The following GPM6A variants were observed in gnomAD, a reference collection of about 807,000 sequenced individuals.
GPM6A encodes the protein neuronal membrane glycoprotein M6-a.
In GPM6A, 7 loss-of-function variants were observed where a neutral mutation model predicts 32.1. The ratio of observed to expected loss-of-function variants is 0.22; its 90% CI spans 0.12 to 0.41. The LOEUF (loss-of-function observed/expected upper bound fraction) is 0.41, where lower values mean the gene tolerates loss of function less well. Among genes scored for constraint, GPM6A ranks in the 10% least tolerant of loss-of-function variants. The probability of loss-of-function intolerance (pLI) is 1.00; values close to 1 mark genes in which losing one functional copy is unlikely to be tolerated. For missense variants in GPM6A, 235 were observed against 347.2 expected (o/e 0.68, Z 2.57); for synonymous variants, 130 against 123.4 (o/e 1.05, Z -0.35).
intron 2 of GPM6A, among the ~76,000 whole-genome samples, chr4:175,686,621 C>T (rs1743994833): frequency 1.3e-5 from 2 of 152,182 alleles, no homozygotes; most frequent in Non-Finnish European, 2.9e-5. Context: ...GCAGAATTTC[C>T]CCTACCAATC....
intron 1 of GPM6A, among the ~76,000 whole-genome samples, chr4:175,860,084 A>G (rs911832449): frequency 2.0e-5 from 3 of 152,028 alleles, no homozygotes; most frequent in African/African-American, 4.8e-5. Flanking sequence ...AAATTCATAT[A>G]TTAAAAAAGA....
At chr4:175,766,544 TATAA>T (rs1404545263) in intron 1 of GPM6A, among the ~76,000 whole-genome samples, 1 of 152,162 alleles carries the variant, frequency 6.6e-6, no homozygotes, top group Non-Finnish European at 1.5e-5. Context: ...TATATTAACT[TATAA>T]ATAAAATGGA....
intron 1 of GPM6A, among the ~76,000 whole-genome samples, chr4:175,954,375 G>A (rs991486036): frequency 1.8e-4 from 27 of 152,278 alleles, no homozygotes; most frequent in Admixed American, 1.0e-3. Flanking sequence ...GTATCAGTGC[G>A]AAACCCGGCT....
intron 1 of GPM6A, among the ~76,000 whole-genome samples, chr4:175,877,251 G>C (rs550852148): frequency 4.1e-4 from 62 of 152,280 alleles, no homozygotes; most frequent in Middle Eastern, 6.8e-3. Flanking sequence ...TAGGCAAGAA[G>C]CAAGGGACAG....
At chr4:175,844,549 A>G (rs73008153) in intron 1 of GPM6A, among the ~76,000 whole-genome samples, 4,854 of 152,230 alleles carry the variant, frequency 0.032, 245 homozygotes, top group African/African-American at 0.11. Flanking sequence ...TGTTCTCTCT[A>G]TGCAGATTAT....
chr4:175,747,708 G>T (rs1244197875), intron 1 of GPM6A, among the ~76,000 whole-genome samples: 4 of 152,154 alleles, frequency 2.6e-5, no homozygotes, highest in Admixed American at 2.6e-4. Flanking sequence ...TTGCTTAGAC[G>T]TTCATGGCTG....
At chr4:175,681,252 C>A (rs187922217) in intron 2 of GPM6A, among the ~76,000 whole-genome samples, 65 of 152,284 alleles carry the variant, frequency 4.3e-4, no homozygotes, top group Non-Finnish European at 6.9e-4. Context: ...CCATCCTCAA[C>A]AGAAGAAAGC....
intron 1 of GPM6A, among the ~76,000 whole-genome samples, chr4:175,886,682 A>AG (rs772448687): frequency 6.6e-6 from 1 of 151,810 alleles, no homozygotes; most frequent in East Asian, 1.9e-4. Flanking sequence ...AATACAACAG[A>AG]GAAAAAAAAA....
chr4:175,734,055 A>T (rs1731545463), intron 1 of GPM6A, among the ~76,000 whole-genome samples: 1 of 151,950 alleles, frequency 6.6e-6, no homozygotes, highest in South Asian at 2.1e-4. Context: ...CAAAGCTTGA[A>T]AAATAAAAGT....
intron 4 of GPM6A, among the ~76,000 whole-genome samples, chr4:175,650,162 C>A (rs1239021123): frequency 1.3e-5 from 2 of 151,986 alleles, no homozygotes; most frequent in African/African-American, 4.8e-5. Flanking sequence ...TCTGCTTTTC[C>A]CCCCGTACAC....
At chr4:175,635,131 A>G in intron 6 of GPM6A, 74 bp from the exon 7 acceptor site, 1 of 1,138,440 alleles carries the variant, frequency 8.8e-7, no homozygotes, top group Non-Finnish European at 1.3e-6. Context: ...TCTCGAAAGA[A>G]GTCTTCGAAT....
intron 1 of GPM6A, among the ~76,000 whole-genome samples, chr4:175,778,893 T>C (rs1043264507): frequency 6.6e-6 from 1 of 150,872 alleles, no homozygotes; most frequent in African/African-American, 2.4e-5. Flanking sequence ...TAATCACATA[T>C]TGATAGCTTG....
chr4:175,941,346 T>A lies in GPM6A; in HGVS notation c.-23+60963A>T, dbSNP rs186661982. Among the ~76,000 whole-genome samples the A allele has an allele frequency of 4.5e-3, 691 of 152,238 alleles. 9 individuals are homozygous for A. The highest frequency in any genetic ancestry group is 0.016 in the African/African-American group (660 of 41,542). On this transcript the variant is annotated intron_variant, in intron 1 of 7. Transcript: ENST00000280187. ...ATAAGCCTTCATCTTTTAAAAAAAA[T>A]TTATTAGTTATTTTAACATCAATCC...
intron 2 of GPM6A, among the ~76,000 whole-genome samples, chr4:175,691,557 A>AT (rs1490238606): frequency 6.6e-6 from 1 of 152,212 alleles, no homozygotes; most frequent in African/African-American, 2.4e-5. Flanking sequence ...TTAAATCAAT[A>AT]TATTATGAAT....
intron 1 of GPM6A, among the ~76,000 whole-genome samples, chr4:175,892,671 C>T (rs1399263320): frequency 1.3e-5 from 2 of 152,204 alleles, no homozygotes; most frequent in African/African-American, 4.8e-5. Context: ...ATGACCTTCA[C>T]CCAATTGCCC....
chr4:175,674,666 T>A (rs1346466551), intron 2 of GPM6A, among the ~76,000 whole-genome samples: 1 of 152,224 alleles, frequency 6.6e-6, no homozygotes, highest in Non-Finnish European at 1.5e-5. Context: ...AGATAGTCAA[T>A]TATAGTTGTA....
intron 1 of GPM6A, among the ~76,000 whole-genome samples, chr4:175,847,076 T>C (rs1736114243): frequency 6.6e-6 from 1 of 152,148 alleles, no homozygotes; most frequent in Non-Finnish European, 1.5e-5. Context: ...TGCAGAAAGT[T>C]ACCAAGCCAA....
intron 1 of GPM6A, among the ~76,000 whole-genome samples, chr4:175,847,987 T>C (rs1433213898): frequency 3.3e-5 from 5 of 152,170 alleles, no homozygotes; most frequent in African/African-American, 1.2e-4. Flanking sequence ...TGCTATAGTT[T>C]CCTAACAAAG....
chr4:175,913,732 G>A lies in GPM6A; in HGVS notation c.-23+88577C>T, dbSNP rs1220294172. Among the ~76,000 whole-genome samples the A allele has an allele frequency of 3.9e-5, 6 of 152,066 alleles. No individual in the cohort carries two copies. The East Asian group carries it at 1.2e-3, about 29-fold the overall frequency. On this transcript the variant is annotated intron_variant, in intron 1 of 7. Coordinates refer to the GPM6A transcript ENST00000280187. ...ATCCCTTCATCTCCTTCAAGCCTTTGCCAAAACGTCACTTTCTCAATGAGG... is the reference window on the plus strand; with the variant it reads ...ATCCCTTCATCTCCTTCAAGCCTTTACCAAAACGTCACTTTCTCAATGAGG...
Sources: gnomAD v4.1 joint callset for allele counts (sites outside exome capture counted in the v4.1 genomes callset) on GRCh38, gnomAD v4.1.1 for gene constraint, MANE v1.5 for transcripts, NCBI Gene and HGNC (gene_info 2026-07-23, HGNC 2026-07-21) for gene names.